Variants in FXR1 observed in about 807,000 individuals in gnomAD.
The protein encoded by FXR1 is FMR1 autosomal homolog 1.
A neutral mutation model predicts 84.0 loss-of-function variants in FXR1; 15 were observed. That is an observed-to-expected ratio of 0.18 (90% CI 0.12 to 0.27). The LOEUF is 0.27. Among genes scored for constraint, FXR1 ranks in the 10% least tolerant of loss-of-function variants. FXR1 has a pLI of 1.00. For missense variants in FXR1, 480 were observed against 774.4 expected (o/e 0.62, Z 4.51); for synonymous variants, 245 against 250.7 (o/e 0.98, Z 0.21).
rs1722236059 is a variant in FXR1, at chr3:180,951,588, G to A, written c.801+120G>A. 4.3e-6 allele frequency: 3 copies of A among 690,702 alleles called. No homozygotes were observed. The African/African-American group carries it at 5.4e-5, about 12-fold the overall frequency. The allele number at this position is 690,702 out of a possible 1,614,324, so 42.8% of individuals were successfully genotyped here. ...TTTTGAGGTAGAATTTATTCAATTA[G>A]CATCAGTCAGCCTAGTAGTCTTACT... On this transcript the variant is annotated intron_variant, in intron 8 of 16. Transcript: ENST00000357559.
chr3:180,937,685 G>T (rs1193348567), intron 3 of FXR1, among the ~76,000 whole-genome samples: 1 of 151,814 alleles, frequency 6.6e-6, no homozygotes, highest in African/African-American at 2.4e-5. Context: ...ATAGGATTTT[G>T]TTTTTTTGTC....
intron 1 of FXR1, among the ~76,000 whole-genome samples, chr3:180,921,741 T>C (rs527335192): frequency 2.0e-5 from 3 of 152,322 alleles, no homozygotes; most frequent in East Asian, 1.9e-4. Context: ...CAATAAGATA[T>C]ATTCTAATTC....
intron 2 of FXR1, among the ~76,000 whole-genome samples, chr3:180,934,866 G>A (rs1205049938): frequency 6.6e-6 from 1 of 152,166 alleles, no homozygotes; most frequent in Non-Finnish European, 1.5e-5. Context: ...CTTATGATGA[G>A]TAATTTGGGA....
Position 180,961,548 on chromosome 3 carries a change from T to C in FXR1, c.1071T>C (p.Tyr357=). Residue 357 remains tyrosine (Y), a synonymous_variant, in exon 11 of 17, where the codon TAT becomes TAC. Transcript: ENST00000357559. ...TTCTTCTAGAGTATCATATTGCCTATCTAAAGGTTTGTATACGGTTCATAC... is the reference window on the plus strand; with the variant it reads ...TTCTTCTAGAGTATCATATTGCCTACCTAAAGGTTTGTATACGGTTCATAC... ...VQVLLEYHIA[Y]LKEVEQLRME... 7.0e-7 allele frequency: 1 copy of C among 1,437,358 alleles called. No homozygotes were observed. Among genetic ancestry groups the C allele is most frequent in the South Asian group, 1.1e-5 (1 of 87,322 alleles). The allele number at this position is 1,437,358 out of a possible 1,614,324, so 89.0% of individuals were successfully genotyped here.
intron 15 of FXR1, among the ~76,000 whole-genome samples, chr3:180,972,186 G>A (rs545135437): frequency 1.3e-5 from 2 of 152,296 alleles, no homozygotes; most frequent in East Asian, 3.9e-4. Flanking sequence ...TTTTAGGGCT[G>A]GGTGCAGTGG....
intron 8 of FXR1, among the ~76,000 whole-genome samples, chr3:180,952,946 C>T (rs1722382612): frequency 6.6e-6 from 1 of 151,538 alleles, no homozygotes; most frequent in Non-Finnish European, 1.5e-5. Context: ...CATCCTCTGG[C>T]CTCAGCCTCT....
At chr3:180,922,715 C>T (rs915241166) in intron 1 of FXR1, among the ~76,000 whole-genome samples, 3 of 152,092 alleles carry the variant, frequency 2.0e-5, no homozygotes, top group Non-Finnish European at 2.9e-5. Flanking sequence ...CAGGTTCAAG[C>T]GATCCTCCTG....
chr3:180,942,815 C>T (rs192739722), intron 3 of FXR1, among the ~76,000 whole-genome samples: 4 of 152,010 alleles, frequency 2.6e-5, no homozygotes, highest in South Asian at 2.1e-4. Flanking sequence ...ATGACAGATT[C>T]GTAAATCAAT....
At position 180,980,015 on chromosome 3, in the gene FXR1, C is replaced by T. The variant is rs556323401; in HGVS notation, c.*3723C>T. On this transcript the variant is annotated 3_prime_UTR_variant, in exon 17 of 17. Transcript: ENST00000357559. ...CAAAAAGATGCTTTAGGTAATGGTA[C>T]AGAATTAGAAGCTGCTATTTTAGCT... is the stretch of plus-strand genomic sequence containing the variant. The T allele has an allele frequency of 6.6e-6, 1 of 151,996 alleles. No homozygotes were observed. Among genetic ancestry groups the T allele is most frequent in the African/African-American group, 2.4e-5 (1 of 41,408 alleles). The allele number at this position is 151,996 out of a possible 1,614,324, so 9.4% of individuals were successfully genotyped here. A position where few individuals can be genotyped will look rare whatever the true frequency, so the allele number is the denominator to read the frequency against.
Position 180,947,907 on chromosome 3 carries a change from T to C in FXR1, c.241T>C (p.Leu81=), listed in dbSNP as rs1276812415. ...TGACCAAGAGCCATGTGGGTGGTGG[T>C]TGGCTAAAGTTCGGATGATGAAAGG... ...ANDQEPCGWW[L]AKVRMMKGEF... Residue 81 remains leucine (L), a synonymous_variant, in exon 4 of 17, where the codon TTG becomes CTG. Coordinates refer to ENST00000357559, the MANE Select transcript of FXR1 (RefSeq NM_005087.4). 1.9e-6 allele frequency: 3 copies of C among 1,608,988 alleles called. No homozygotes were observed. Among genetic ancestry groups the C allele is most frequent in the East Asian group, 2.2e-5 (1 of 44,806 alleles).
At chr3:180,948,698 C>A in intron 5 of FXR1, 23 bp from the exon 6 acceptor site, 1 of 1,244,956 alleles carries the variant, frequency 8.0e-7, no homozygotes, top group Non-Finnish European at 1.2e-6. Context: ...TGAGTTCTTA[C>A]ACATAAATTG....
intron 13 of FXR1, among the ~76,000 whole-genome samples, chr3:180,966,127 A>C (rs1257374209): frequency 6.6e-6 from 1 of 152,164 alleles, no homozygotes; most frequent in Non-Finnish European, 1.5e-5. Context: ...AATTGCCTTC[A>C]TTACAACTTT....
intron 15 of FXR1, among the ~76,000 whole-genome samples, chr3:180,972,231 G>A (rs1370481273): frequency 6.6e-6 from 1 of 152,140 alleles, no homozygotes; most frequent in African/African-American, 2.4e-5. Context: ...TGGGAGGCCA[G>A]GTAGCAGGAT....
At chr3:180,937,520 T>A (rs1018604763) in intron 3 of FXR1, among the ~76,000 whole-genome samples, 4 of 152,324 alleles carry the variant, frequency 2.6e-5, no homozygotes, top group South Asian at 4.1e-4. Context: ...GAGTTTTTTT[T>A]AAATTTCACG....
intron 15 of FXR1, 54 bp downstream of exon 15, chr3:180,970,412 AT>A (rs1560023719): frequency 3.1e-5 from 9 of 294,218 alleles, no homozygotes; most frequent in African/African-American, 1.9e-4. Flanking sequence ...ATATATATAT[AT>A]ATATATATAA....
rs774321334 is a variant in FXR1 at position 180,970,321 on chromosome 3, T to C, written c.1566T>C (p.Thr522=). Reference sequence around the variant, plus strand: ...ATGCTGTTCTGATGGATGGAATGACTGAATCTGATACAGCTTCAGTTAATG... The same window carrying C: ...ATGCTGTTCTGATGGATGGAATGACCGAATCTGATACAGCTTCAGTTAATG... ...DEDAVLMDGM[T]ESDTASVNEN... is the part of the protein sequence containing the mutation. The change falls in exon 15 of 17, where the codon ACT becomes ACC. Residue 522 remains threonine (T), a synonymous_variant. Coordinates refer to ENST00000357559, the MANE Select transcript of FXR1 (RefSeq NM_005087.4). The C allele has an allele frequency of 6.3e-7, 1 of 1,592,668 alleles. No individual in the cohort carries two copies. The highest frequency in any genetic ancestry group is 1.1e-5 in the South Asian group (1 of 90,582).
At chr3:180,975,186 C>T (rs1714074550) in intron 15 of FXR1, 127 bp from the exon 16 acceptor site, 1 of 433,080 alleles carries the variant, frequency 2.3e-6, no homozygotes, top group African/African-American at 2.1e-5. Flanking sequence ...GGAGGTGATA[C>T]CCAGCTTAAG....
chr3:180,927,536 C>T, intron 1 of FXR1: 1 of 543,080 alleles, frequency 1.8e-6, no homozygotes, highest in Middle Eastern at 3.0e-4. Flanking sequence ...ATTTTTTTTC[C>T]ACAACGGCTC....
At chr3:180,928,472 A>G (rs565857) in intron 1 of FXR1, among the ~76,000 whole-genome samples, 38,048 of 149,734 alleles carry the variant, frequency 0.25, 6,290 homozygotes, top group African/African-American at 0.46. Context: ...TAATATTTCA[A>G]TGGGATGCCA....
Sources: gnomAD v4.1 joint callset for allele counts (sites outside exome capture counted in the v4.1 genomes callset) on GRCh38, gnomAD v4.1.1 for gene constraint, MANE v1.5 for transcripts, NCBI Gene and HGNC (gene_info 2026-07-23, HGNC 2026-07-21) for gene names.